CFHR3: variants seen among roughly 807,000 people sequenced by gnomAD.
The protein encoded by CFHR3 is complement factor H related 3.
Under a neutral mutation model 36.0 loss-of-function variants are expected in CFHR3, and 22 were observed. That is an observed-to-expected ratio of 0.61 (90% CI 0.44 to 0.87). CFHR3 has a LOEUF of 0.87. CFHR3 is among the 40% of genes least tolerant of loss of function. CFHR3 has a pLI of 0.00. For missense variants in CFHR3, 276 were observed against 401.3 expected (o/e 0.69, Z 2.67); for synonymous variants, 97 against 137.4 (o/e 0.71, Z 2.06).
intron 1 of CFHR3, among the ~76,000 whole-genome samples, chr1:196,777,311 T>C (rs1487590256): frequency 7.3e-6 from 1 of 137,346 alleles, no homozygotes; most frequent in Non-Finnish European, 1.5e-5. Context: ...GTATAAACTT[T>C]ATATTCATCT....
At chr1:196,784,020 T>G (rs1429348835) in intron 3 of CFHR3, among the ~76,000 whole-genome samples, 1 of 136,764 alleles carries the variant, frequency 7.3e-6, no homozygotes, top group Non-Finnish European at 1.5e-5. Flanking sequence ...TCTCGTTGGT[T>G]TCAAAGAACA....
At position 196,793,771 on chromosome 1, in the gene CFHR3, G is replaced by A; in HGVS notation, c.*258G>A. ...GGACTTCTTATCAATGAATTAGTAA[G>A]TATAGAGACAGACAGCTGAATGGCT... On this transcript the variant is annotated 3_prime_UTR_variant, in exon 6 of 6. Transcript: ENST00000367425. 9.4e-6 allele frequency: 3 copies of A among 318,156 alleles called. 1 individual carries two copies. In the South Asian group the frequency reaches 1.1e-4, roughly 12 times the overall value. The allele number at this position is 318,156 out of a possible 1,614,324, so 19.7% of individuals were successfully genotyped here.
chr1:196,776,875 G>A lies in CFHR3; in HGVS notation c.58+1931G>A, dbSNP rs570974209. 7.4e-5 allele frequency among the ~76,000 whole-genome samples: 10 copies of A among 135,562 alleles called. 2 individuals are homozygous for A. Among genetic ancestry groups the A allele is most frequent in the Admixed American group, 2.9e-4 (4 of 14,020 alleles). 88.9% of individuals were successfully genotyped at this position (135,562 alleles called of 152,430 possible). A position where few individuals can be genotyped will look rare whatever the true frequency, so the allele number is the denominator to read the frequency against. On this transcript the variant is annotated intron_variant, in intron 1 of 5. Transcript: ENST00000367425. ...TACCCACCAACACAGATTTTAGAGGGTATTCATCAGAATTGGGTAATTATA... is the reference window on the plus strand; with the variant it reads ...TACCCACCAACACAGATTTTAGAGGATATTCATCAGAATTGGGTAATTATA...
At position 196,774,860 on chromosome 1, in the gene CFHR3, A is replaced by AT; in HGVS notation, c.-25dup. ...CAAACAGTGCAACTGAAACTTTTGT[A>AT]TTAGCATACTACTGAGAATATCTAA... On this transcript the variant is annotated 5_prime_UTR_variant, in exon 1 of 6. Coordinates refer to ENST00000367425, the MANE Select transcript of CFHR3 (RefSeq NM_021023.6). 1.3e-6 allele frequency: 2 copies of AT among 1,497,754 alleles called. No individual in the cohort carries two copies. Among genetic ancestry groups the AT allele is most frequent in the Non-Finnish European group, 1.8e-6 (2 of 1,102,466 alleles). 92.8% of individuals were successfully genotyped at this position (1,497,754 alleles called of 1,614,324 possible). A position where few individuals can be genotyped will look rare whatever the true frequency, so the allele number is the denominator to read the frequency against.
chr1:196,781,951 C>G (rs1319281651), intron 3 of CFHR3, among the ~76,000 whole-genome samples: 1 of 137,118 alleles, frequency 7.3e-6, no homozygotes, highest in Non-Finnish European at 1.5e-5. Context: ...TCATTTAAGT[C>G]TTTAATCCAT....
At position 196,793,393 on chromosome 1, in the gene CFHR3, T is replaced by C. The variant is rs140116744; in HGVS notation, c.873T>C (p.Tyr291=). The C allele has an allele frequency of 1.0e-5, 16 of 1,526,182 alleles. 3 individuals are homozygous for C. Among genetic ancestry groups the C allele is most frequent in the African/African-American group, 1.0e-4 (6 of 60,216 alleles). The allele number at this position is 1,526,182 out of a possible 1,614,324, so 94.5% of individuals were successfully genotyped here. The change falls in exon 6 of 6, where the codon TAT becomes TAC. Residue 291 remains tyrosine, a synonymous_variant. Transcript: ENST00000367425. ...KLKGRSDRKY[Y]AKTGDTIEFM... Reference sequence around the variant, plus strand: ...AAGGAAGAAGTGACAGAAAATATTATGCAAAAACAGGGGATACCATTGAAT... The same window carrying C: ...AAGGAAGAAGTGACAGAAAATATTACGCAAAAACAGGGGATACCATTGAAT...
At position 196,788,460 on chromosome 1, in the gene CFHR3, A is replaced by G. The variant is rs1289322407; in HGVS notation, c.613+62A>G. The stretch of plus-strand genomic sequence containing the variant: ...ACTTCGTTCCTCTCTTTGAGATGAT[A>G]GTGTTTTACTTAAAAATATAGAAAA... On this transcript the variant is annotated intron_variant, in intron 4 of 5. Transcript: ENST00000367425. 5 of 1,503,320 alleles carry G rather than the reference A, an allele frequency of 3.3e-6. No homozygotes were observed. Among genetic ancestry groups the G allele is most frequent in the Non-Finnish European group, 4.5e-6 (5 of 1,116,274 alleles). 93.1% of individuals were successfully genotyped at this position (1,503,320 alleles called of 1,614,324 possible). A position where few individuals can be genotyped will look rare whatever the true frequency, so the allele number is the denominator to read the frequency against.
chr1:196,789,098 T>C, intron 4 of CFHR3: 1 of 1,075,392 alleles, frequency 9.3e-7, no homozygotes, highest in Non-Finnish European at 1.1e-6. Flanking sequence ...TTGATTTTTT[T>C]TCTTTCCTCT....
At chr1:196,776,550 T>A (rs1653728275) in intron 1 of CFHR3, among the ~76,000 whole-genome samples, 1 of 136,056 alleles carries the variant, frequency 7.3e-6, no homozygotes. Context: ...ATAACTGGTG[T>A]CCATATAAGA....
At position 196,779,228 on chromosome 1, in the gene CFHR3, A is replaced by T. The variant is rs541949808; in HGVS notation, c.125A>T (p.Tyr42Phe). The change falls in exon 2 of 6, where the codon TAC (tyrosine) becomes TTC (phenylalanine). Residue 42 changes from tyrosine (Y) to phenylalanine (F), a missense_variant. This residue lies in a region of CFHR3 where 178 missense variants were observed against 247.2 expected (regional missense o/e 0.72). Transcript: ENST00000367425. ...GLFHENMRRP[Y>F]FPVAVGKYYS... The stretch of plus-strand genomic sequence containing the variant: ...TTTCATGAGAATATGCGTAGACCAT[A>T]CTTTCCAGTAGCTGTAGGAAAATAT... 8.5e-6 allele frequency: 13 copies of T among 1,529,108 alleles called. 3 individuals are homozygous for T. The highest frequency in any genetic ancestry group is 1.2e-5 in the Non-Finnish European group (13 of 1,129,550). 94.7% of individuals were successfully genotyped at this position (1,529,108 alleles called of 1,614,324 possible). A position where few individuals can be genotyped will look rare whatever the true frequency, so the allele number is the denominator to read the frequency against.
chr1:196,777,796 G>A (rs1653785960), intron 1 of CFHR3, among the ~76,000 whole-genome samples: 1 of 133,592 alleles, frequency 7.5e-6, no homozygotes. Context: ...AGACCAGCCC[G>A]GCCAACATGA....
chr1:196,779,737 T>C, intron 2 of CFHR3, 60 bp from the exon 3 acceptor site: 2 of 1,435,880 alleles, frequency 1.4e-6, no homozygotes, highest in African/African-American at 1.7e-5. Context: ...TTTAATATAC[T>C]TTTTGTGCAA....
Position 196,784,243 on chromosome 1 carries a change from T to C in CFHR3, c.431-3973T>C, listed in dbSNP as rs548884172. Among the ~76,000 whole-genome samples the C allele has an allele frequency of 6.6e-5, 9 of 136,672 alleles. No individual in the cohort carries two copies. In the East Asian group the frequency reaches 1.6e-3, roughly 24 times the overall value. 89.7% of individuals were successfully genotyped at this position (136,672 alleles called of 152,430 possible). On this transcript the variant is annotated intron_variant, in intron 3 of 5. Transcript: ENST00000367425. ...TCCAACTATGTGGTCAATTTTGGAA[T>C]TGGTGTGGTGTGGTGCTGAAAAAAA...
Position 196,784,786 on chromosome 1 carries a change from G to A in CFHR3, c.431-3430G>A, listed in dbSNP as rs1166279337. On this transcript the variant is annotated intron_variant, in intron 3 of 5. Coordinates refer to ENST00000367425, the MANE Select transcript of CFHR3 (RefSeq NM_021023.6). ...TGCCAGTCTGTGTCTTTTAATTGGA[G>A]CATTTAGTCCATTTACATTTAAAGT... 6.6e-5 allele frequency among the ~76,000 whole-genome samples: 9 copies of A among 135,544 alleles called. 1 individual carries two copies. Among genetic ancestry groups the A allele is most frequent in the East Asian group, 2.0e-4 (1 of 5,088 alleles). The allele number at this position is 135,544 out of a possible 152,430, so 88.9% of individuals were successfully genotyped here.
Position 196,795,274 on chromosome 1 carries a change from C to G in CFHR3, c.*1761C>G, listed in dbSNP as rs1367892518. The G allele has an allele frequency of 7.3e-6, 1 of 136,158 alleles. No homozygotes were observed. Among genetic ancestry groups the G allele is most frequent in the Non-Finnish European group, 1.6e-5 (1 of 64,404 alleles). 8.4% of individuals were successfully genotyped at this position (136,158 alleles called of 1,614,324 possible). A position where few individuals can be genotyped will look rare whatever the true frequency, so the allele number is the denominator to read the frequency against. ...TCTAATGGTTTTATAAATGAAAGTT[C>G]CCCTGGACAAGTTCTCTTGCCTGCC... On this transcript the variant is annotated 3_prime_UTR_variant, in exon 6 of 6. Transcript: ENST00000367425.
Position 196,791,390 on chromosome 1 carries a change from A to G in CFHR3, c.796+1163A>G, listed in dbSNP as rs1236738337. Among the ~76,000 whole-genome samples, 3 of 135,624 alleles carry G rather than the reference A, an allele frequency of 2.2e-5. 1 individual carries two copies. Among genetic ancestry groups the G allele is most frequent in the Admixed American group, 1.4e-4 (2 of 14,060 alleles). 89.0% of individuals were successfully genotyped at this position (135,624 alleles called of 152,430 possible). On this transcript the variant is annotated intron_variant, in intron 5 of 5. Transcript: ENST00000367425. The stretch of plus-strand genomic sequence containing the variant: ...ATTTGCCACAAGTTTCTACTAGCCT[A>G]TGAGGTAGAGCCCTGGGACACCCAT...
rs552224060 is a variant in CFHR3, at chr1:196,779,415, G to C, written c.253+59G>C. Reference sequence around the variant, plus strand: ...AAACTTTAAAAGATTAAAGAGAGGAGAGCACATAATTGATTACTCTTGTCT... The same window carrying C: ...AAACTTTAAAAGATTAAAGAGAGGACAGCACATAATTGATTACTCTTGTCT... On this transcript the variant is annotated intron_variant, in intron 2 of 5. Coordinates refer to ENST00000367425, the MANE Select transcript of CFHR3 (RefSeq NM_021023.6). 4 of 1,243,910 alleles carry C rather than the reference G, an allele frequency of 3.2e-6. No individual in the cohort carries two copies. The East Asian group carries it at 9.2e-5, about 29-fold the overall frequency. 77.1% of individuals were successfully genotyped at this position (1,243,910 alleles called of 1,614,324 possible).
intron 1 of CFHR3, among the ~76,000 whole-genome samples, chr1:196,778,834 A>G (rs1400998638): frequency 1.5e-5 from 2 of 136,930 alleles, no homozygotes. Flanking sequence ...GTTCAAATTA[A>G]TGTTGATAAA....
At chr1:196,780,385 T>A (rs1394919803) in intron 3 of CFHR3, among the ~76,000 whole-genome samples, 1 of 137,816 alleles carries the variant, frequency 7.3e-6, no homozygotes, top group East Asian at 1.9e-4. Flanking sequence ...TATACATTTA[T>A]ATAAACAGTT....
Sources: gnomAD v4.1 joint callset for allele counts (sites outside exome capture counted in the v4.1 genomes callset) on GRCh38, gnomAD v4.1.1 for gene constraint, gnomAD v4.1.1 regional missense constraint, MANE v1.5 for transcripts, NCBI Gene and HGNC (gene_info 2026-07-23, HGNC 2026-07-21) for gene names.